Variants in RGS6 observed in about 807,000 individuals in gnomAD.
RGS6 encodes regulator of G protein signaling 6, also known as regulator of G-protein signaling 6.
Under a neutral mutation model 78.5 loss-of-function variants are expected in RGS6, and 30 were observed. That is an observed-to-expected ratio of 0.38 (90% CI 0.29 to 0.52). The LOEUF (loss-of-function observed/expected upper bound fraction) is 0.52. Among genes scored for constraint, RGS6 ranks in the 20% least tolerant of loss-of-function variants. The pLI, the probability that RGS6 is intolerant of heterozygous loss-of-function variation, is 0.85. For missense variants in RGS6, 495 were observed against 609.7 expected (o/e 0.81, Z 1.98); for synonymous variants, 206 against 206.0 (o/e 1.00, Z 0.00).
At chr14:72,528,934 C>A (rs1369195495) in intron 15 of RGS6, among the ~76,000 whole-genome samples, 1 of 152,238 alleles carries the variant, frequency 6.6e-6, no homozygotes, top group Non-Finnish European at 1.5e-5. Flanking sequence ...GAGCTTTGTA[C>A]ACTTGCTGTC....
At chr14:72,270,784 A>G (rs960945110) in intron 2 of RGS6, among the ~76,000 whole-genome samples, 1 of 152,184 alleles carries the variant, frequency 6.6e-6, no homozygotes, top group African/African-American at 2.4e-5. Context: ...ACGCAGTTAC[A>G]CCTTTTCCCA....
chr14:72,594,083 GGCTTATGAAACGT>G, the RGS6 span, among the ~76,000 whole-genome samples: 1 of 152,182 alleles, frequency 6.6e-6, no homozygotes, highest in South Asian at 2.1e-4. Flanking sequence ...AGATAGTGTG[GGCTTATGAAACGT>G]CTTTTAATCT....
chr14:71,981,607 G>A (rs1356858714), intron 2 of RGS6, among the ~76,000 whole-genome samples: 1 of 151,874 alleles, frequency 6.6e-6, no homozygotes, highest in Non-Finnish European at 1.5e-5. Context: ...CGGGGGTCAG[G>A]GGTCAGGGAC....
chr14:72,195,123 G>A lies in RGS6; in HGVS notation c.85-156972G>A, dbSNP rs1235627290. On this transcript the variant is annotated intron_variant, in intron 2 of 17. Coordinates refer to ENST00000553525, the MANE Select transcript of RGS6 (RefSeq NM_001204424.2). The stretch of plus-strand genomic sequence containing the variant: ...CTCAGGAGGCTAAGGCAGGAAAATC[G>A]CTTGAGCCCAGAAGTCAGAGGTTGC... Among the ~76,000 whole-genome samples the A allele has an allele frequency of 9.2e-5, 14 of 151,966 alleles. No homozygotes were observed. The South Asian group carries it at 1.2e-3, about 14-fold the overall frequency.
intron 13 of RGS6, among the ~76,000 whole-genome samples, chr14:72,498,306 A>G (rs1319328734): frequency 6.6e-6 from 1 of 152,016 alleles, no homozygotes; most frequent in Non-Finnish European, 1.5e-5. Flanking sequence ...ATTCGGGGTT[A>G]TTCATTAGAG....
At chr14:71,973,136 T>C (rs2093914039) in intron 2 of RGS6, among the ~76,000 whole-genome samples, 4 of 152,230 alleles carry the variant, frequency 2.6e-5, no homozygotes, top group Admixed American at 2.6e-4. Flanking sequence ...AGTAAGGGGT[T>C]AGCTATGCTG....
chr14:72,001,471 AACACACACACACAC>A (rs3053057), intron 2 of RGS6, among the ~76,000 whole-genome samples: 1,477 of 146,114 alleles, frequency 0.01, 19 homozygotes, highest in African/African-American at 0.024. Flanking sequence ...ATAAAAACAG[AACACACACACACAC>A]ACACACACAC....
At chr14:71,969,817 C>T (rs1381072906) in intron 2 of RGS6, among the ~76,000 whole-genome samples, 2 of 152,148 alleles carry the variant, frequency 1.3e-5, no homozygotes, top group East Asian at 1.9e-4. Flanking sequence ...GTACAAATAC[C>T]TTTCTGCAAT....
chr14:72,273,927 A>C (rs1474625348), intron 2 of RGS6, among the ~76,000 whole-genome samples: 1 of 152,234 alleles, frequency 6.6e-6, no homozygotes, highest in Non-Finnish European at 1.5e-5. Context: ...GCCTAGCTGC[A>C]AAAGAAGAGG....
intron 2 of RGS6, among the ~76,000 whole-genome samples, chr14:72,188,876 C>T (rs2097286726): frequency 6.6e-6 from 1 of 152,178 alleles, no homozygotes; most frequent in Non-Finnish European, 1.5e-5. Flanking sequence ...ACAGAGAAAA[C>T]TCTCACAGAG....
intron 3 of RGS6, among the ~76,000 whole-genome samples, chr14:72,442,164 G>A (rs1408537412): frequency 6.6e-6 from 1 of 152,050 alleles, no homozygotes; most frequent in African/African-American, 2.4e-5. Context: ...CTGGTGTCTG[G>A]CATAGTGCTT....
At chr14:72,289,416 G>T (rs1397626316) in intron 2 of RGS6, among the ~76,000 whole-genome samples, 3 of 151,136 alleles carry the variant, frequency 2.0e-5, no homozygotes, top group East Asian at 2.0e-4. Context: ...GCCCCTTATT[G>T]CTTGGAACCC....
chr14:72,282,020 G>C (rs1347986792), intron 2 of RGS6, among the ~76,000 whole-genome samples: 1 of 152,180 alleles, frequency 6.6e-6, no homozygotes, highest in Non-Finnish European at 1.5e-5. Flanking sequence ...CACTTATGGA[G>C]CAACTGTAGG....
rs117815704 is a variant in RGS6, at chr14:72,401,693, A to T, written c.184+49499A>T. ...ACACAGCTCTTACTGAAGAGCTGAA[A>T]TTTTAAAAAGATGCTTAAAATAAAG... is the stretch of plus-strand genomic sequence containing the variant. On this transcript the variant is annotated intron_variant, in intron 3 of 17. Transcript: ENST00000553525. 7.6e-3 allele frequency among the ~76,000 whole-genome samples: 1,153 copies of T among 152,206 alleles called. 39 individuals are homozygous for T. The highest frequency in any genetic ancestry group is 0.049 in the East Asian group (253 of 5,164).
chr14:72,524,467 G>T (rs538462261), intron 15 of RGS6, among the ~76,000 whole-genome samples: 1 of 152,340 alleles, frequency 6.6e-6, no homozygotes, highest in East Asian at 1.9e-4. Flanking sequence ...TAGGGCATTT[G>T]TCTCTTTCCA....
chr14:72,549,628 G>A (rs565946230), intron 17 of RGS6, among the ~76,000 whole-genome samples: 15 of 152,206 alleles, frequency 9.9e-5, no homozygotes, highest in Non-Finnish European at 2.1e-4. Context: ...TTGGGAGGCC[G>A]AGACAGGCAG....
chr14:72,566,629 T>TCACACACACACA (rs58800255), downstream of RGS6: 23 of 105,894 alleles, frequency 2.2e-4, no homozygotes, highest in African/African-American at 5.5e-4. Context: ...TTCCCCATTA[T>TCACACACACACA]CACACACACA....
At chr14:72,288,243 G>A (rs1391622881) in intron 2 of RGS6, among the ~76,000 whole-genome samples, 1 of 152,188 alleles carries the variant, frequency 6.6e-6, no homozygotes, top group African/African-American at 2.4e-5. Context: ...AATTTAGTAA[G>A]TCAAGAATTG....
At chr14:72,150,559 A>G (rs2096669508) in intron 2 of RGS6, among the ~76,000 whole-genome samples, 1 of 152,080 alleles carries the variant, frequency 6.6e-6, no homozygotes, top group African/African-American at 2.4e-5. Flanking sequence ...GCTCTATGGA[A>G]AGCATGCCTG....
Sources: allele counts gnomAD v4.1 joint callset (sites outside exome capture counted in the v4.1 genomes callset), GRCh38; gene constraint gnomAD v4.1.1; transcripts MANE v1.5; gene names NCBI Gene and HGNC (gene_info 2026-07-23, HGNC 2026-07-21).